PRKAG2: variants seen among roughly 807,000 people sequenced by gnomAD.
PRKAG2 encodes protein kinase AMP-activated non-catalytic subunit gamma 2.
In PRKAG2, 26 loss-of-function variants were observed where a neutral mutation model predicts 69.6. The ratio of observed to expected loss-of-function variants is 0.37; its 90% CI spans 0.27 to 0.52. The LOEUF (loss-of-function observed/expected upper bound fraction) is 0.52. Ranked by LOEUF, PRKAG2 falls within the 20% of genes least tolerant of loss-of-function variation. The pLI is 0.90. For synonymous variants in PRKAG2, 293 were observed against 285.0 expected (o/e 1.03, Z -0.28); for missense variants, 557 against 740.0 (o/e 0.75, Z 2.87).
chr7:151,629,492 C>T (rs1227218835), intron 5 of PRKAG2, among the ~76,000 whole-genome samples: 1 of 152,130 alleles, frequency 6.6e-6, no homozygotes, highest in African/African-American at 2.4e-5. Context: ...GGCCATCAAA[C>T]CCACCCGTAC....
intron 5 of PRKAG2, among the ~76,000 whole-genome samples, chr7:151,622,965 TTG>T (rs1821887709): frequency 6.6e-6 from 1 of 152,104 alleles, no homozygotes; most frequent in African/African-American, 2.4e-5. Context: ...CCCAACCTTT[TTG>T]GGAGGGACCA....
rs570908759 is a variant in PRKAG2 at position 151,601,608 on chromosome 7, G to A, written c.755-6154C>T. On this transcript the variant is annotated intron_variant, in intron 5 of 15. Transcript: ENST00000287878. Reference sequence around the variant, plus strand: ...CTGAGGCTGTACAGACCTCAGAACTGTCTCGTGGGAGGACCACTCCTGCCC... The same window carrying A: ...CTGAGGCTGTACAGACCTCAGAACTATCTCGTGGGAGGACCACTCCTGCCC... Among the ~76,000 whole-genome samples, 3 of 152,272 alleles carry A rather than the reference G, an allele frequency of 2.0e-5. No individual in the cohort carries two copies. In the South Asian group the frequency reaches 6.2e-4, roughly 32 times the overall value.
chr7:151,727,971 C>T (rs767936233), intron 3 of PRKAG2, among the ~76,000 whole-genome samples: 12 of 152,172 alleles, frequency 7.9e-5, no homozygotes, highest in African/African-American at 2.7e-4. Context: ...GGCCCTGGGG[C>T]GGACGCCCGG....
At position 151,771,159 on chromosome 7, in the gene PRKAG2, CT is replaced by C. The variant is rs1377661971; in HGVS notation, c.466+9992del. ...CTACTGTAAGAACATAGAAAGTAAT[CT>C]CATTACATGCATGATTTTTACCCTA... On this transcript the variant is annotated intron_variant, in intron 3 of 15. Transcript: ENST00000287878. The surrounding 1 kb of genome is among the most constrained non-coding windows in gnomAD (Gnocchi z 4.0). Among the ~76,000 whole-genome samples, 1 of 152,206 alleles carries C rather than the reference CT, an allele frequency of 6.6e-6. No homozygotes were observed. Among genetic ancestry groups the C allele is most frequent in the African/African-American group, 2.4e-5 (1 of 41,448 alleles).
In PRKAG2 at chr7:151,657,906, C is replaced by T. The variant is rs1270070862; in HGVS notation, c.684+17514G>A. Among the ~76,000 whole-genome samples, 3 of 152,202 alleles carry T rather than the reference C, an allele frequency of 2.0e-5. No homozygotes were observed. The East Asian group carries it at 5.8e-4, about 29-fold the overall frequency. ...GGTGCAGTGGCTCATGCCTGTAATC[C>T]CAGCACTTTGGGAGGCCAAGGCGGG... On this transcript the variant is annotated intron_variant, in intron 4 of 15. Coordinates refer to ENST00000287878, the MANE Select transcript of PRKAG2 (RefSeq NM_016203.4).
chr7:151,658,196 AG>A lies in PRKAG2; in HGVS notation c.684+17223del, dbSNP rs869221495. The stretch of plus-strand genomic sequence containing the variant: ...AAATAAATAAATAAATAAATAAATA[AG>A]AATAATAGGGCTGGGTGCAGTGGCT... On this transcript the variant is annotated intron_variant, in intron 4 of 15. Coordinates refer to ENST00000287878, the MANE Select transcript of PRKAG2 (RefSeq NM_016203.4). 1.7e-4 allele frequency among the ~76,000 whole-genome samples: 24 copies of A among 142,380 alleles called. No individual in the cohort carries two copies. In the East Asian group the frequency reaches 1.9e-3, roughly 11 times the overall value. 93.4% of individuals were successfully genotyped at this position (142,380 alleles called of 152,430 possible).
chr7:151,669,593 T>C (rs1403236195), intron 4 of PRKAG2, among the ~76,000 whole-genome samples: 2 of 152,242 alleles, frequency 1.3e-5, no homozygotes, highest in Non-Finnish European at 2.9e-5. Context: ...TTTCACCTAC[T>C]ATTATAGCAC....
At chr7:151,773,079 GAGGGAGGGAGGGAGGGA>G (rs2076150686) in intron 3 of PRKAG2, among the ~76,000 whole-genome samples, 1 of 79,986 alleles carries the variant, frequency 1.3e-5, no homozygotes, top group Admixed American at 1.1e-4. Flanking sequence ...GGGAGGGAGG[GAGGGAGGGAGGGAGGGA>G]AGGGAAGGGA....
intron 1 of PRKAG2, among the ~76,000 whole-genome samples, chr7:151,833,212 G>A (rs566546725): frequency 1.2e-3 from 176 of 152,326 alleles, no homozygotes; most frequent in South Asian, 0.011. Context: ...GGAAGGCCTC[G>A]TGGAGATCTG....
intron 5 of PRKAG2, among the ~76,000 whole-genome samples, chr7:151,603,190 G>A (rs1476796007): frequency 5.7e-5 from 6 of 104,386 alleles, no homozygotes; most frequent in African/African-American, 4.1e-5. Context: ...GACACGCTCC[G>A]TCCTCACCGC....
chr7:151,799,343 C>T (rs1037639518), intron 1 of PRKAG2, among the ~76,000 whole-genome samples: 3 of 152,196 alleles, frequency 2.0e-5, no homozygotes, highest in African/African-American at 7.2e-5. Context: ...GACTTTCTAG[C>T]TTGTGTTTCC....
At position 151,614,198 on chromosome 7, in the gene PRKAG2, T is replaced by C. The variant is rs1158374841; in HGVS notation, c.754+17871A>G. 6.6e-6 allele frequency among the ~76,000 whole-genome samples: 1 copy of C among 152,052 alleles called. No homozygotes were observed. The highest frequency in any genetic ancestry group is 1.5e-5 in the Non-Finnish European group (1 of 68,000). On this transcript the variant is annotated intron_variant, in intron 5 of 15. Coordinates refer to ENST00000287878, the MANE Select transcript of PRKAG2 (RefSeq NM_016203.4). This position sits in a 1 kb window ranked among gnomAD's most constrained non-coding sequence, Gnocchi z 4.4. ...CAGGGGAGGTGACGCTGTCTCCAGC[T>C]GTGTCTTGAAGGCAGGAAAAGGGAT...
At chr7:151,863,180 G>A (rs1192956896) in intron 1 of PRKAG2, among the ~76,000 whole-genome samples, 7 of 151,074 alleles carry the variant, frequency 4.6e-5, no homozygotes, top group African/African-American at 7.3e-5. Context: ...GTAGATCCCC[G>A]GGTGCAGGGG....
At position 151,764,277 on chromosome 7, in the gene PRKAG2, C is replaced by T. The variant is rs189629416; in HGVS notation, c.466+16875G>A. ...TGGCCACAGGGGACACTTCAGGCCACTGCCCTGGGCCAAAGCCAGAGCGCA... is the reference window on the plus strand; with the variant it reads ...TGGCCACAGGGGACACTTCAGGCCATTGCCCTGGGCCAAAGCCAGAGCGCA... On this transcript the variant is annotated intron_variant, in intron 3 of 15. Coordinates refer to ENST00000287878, the MANE Select transcript of PRKAG2 (RefSeq NM_016203.4). 2.1e-3 allele frequency among the ~76,000 whole-genome samples: 326 copies of T among 152,358 alleles called. 1 individual carries two copies. Among genetic ancestry groups the T allele is most frequent in the Admixed American group, 8.2e-3 (126 of 15,308 alleles).
chr7:151,766,822 C>T (rs35346765), intron 3 of PRKAG2, among the ~76,000 whole-genome samples: 27,302 of 152,234 alleles, frequency 0.18, 2,744 homozygotes, highest in Admixed American at 0.29. Flanking sequence ...TCCGTACCTA[C>T]GGCCTGTGTT....
chr7:151,698,043 C>T (rs1303271075), intron 3 of PRKAG2, among the ~76,000 whole-genome samples: 2 of 152,186 alleles, frequency 1.3e-5, no homozygotes, highest in Non-Finnish European at 2.9e-5. Context: ...TGTTGATGCC[C>T]TGTCCCTAGG....
chr7:151,764,834 C>T (rs773902981), intron 3 of PRKAG2, among the ~76,000 whole-genome samples: 17 of 152,224 alleles, frequency 1.1e-4, no homozygotes, highest in Non-Finnish European at 1.9e-4. Flanking sequence ...GACAGGGACT[C>T]CTTCCCCATC....
chr7:151,822,059 A>T (rs965384244), intron 1 of PRKAG2, among the ~76,000 whole-genome samples: 1 of 152,224 alleles, frequency 6.6e-6, no homozygotes, highest in African/African-American at 2.4e-5. Flanking sequence ...AGAGAAGCCC[A>T]TTTAAAGACC....
chr7:151,642,111 G>A (rs1826821448), intron 4 of PRKAG2, among the ~76,000 whole-genome samples: 1 of 151,330 alleles, frequency 6.6e-6, no homozygotes, highest in South Asian at 2.1e-4. Context: ...CGAGGCGGGT[G>A]GATCACGAGG....
Sources: gnomAD v4.1 joint callset for allele counts (sites outside exome capture counted in the v4.1 genomes callset) on GRCh38, gnomAD v4.1.1 for gene constraint, Gnocchi (gnomAD v3.1) non-coding constraint, MANE v1.5 for transcripts, NCBI Gene and HGNC (gene_info 2026-07-23, HGNC 2026-07-21) for gene names.